ACYP2: variants seen among roughly 807,000 people sequenced by gnomAD.
ACYP2 encodes acylphosphatase 2, also known as acylphosphatase-2.
A neutral mutation model predicts 11.2 loss-of-function variants in ACYP2; 12 were observed. The ratio of observed to expected loss-of-function variants is 1.08; its 90% CI spans 0.69 to 1.74. The LOEUF is 1.74. Ranked by LOEUF, ACYP2 falls within the 40% of genes most tolerant of loss-of-function variation. The pLI is 0.00. For missense variants in ACYP2, 134 were observed against 101.9 expected (o/e 1.31, Z -1.35); for synonymous variants, 43 against 32.2 (o/e 1.33, Z -1.13).
At chr2:54,182,047 ATTTTTTTTTTTTTT>A (rs35145998) in intron 6 of ACYP2, among the ~76,000 whole-genome samples, 3 of 83,062 alleles carry the variant, frequency 3.6e-5, no homozygotes, top group South Asian at 5.4e-4. Context: ...ATAGAAGATA[ATTTTTTTTTTTTTT>A]TTTTTTTTTT....
At chr2:54,046,649 G>A (rs1259175115) in intron 2 of ACYP2, among the ~76,000 whole-genome samples, 1 of 152,190 alleles carries the variant, frequency 6.6e-6, no homozygotes, top group Non-Finnish European at 1.5e-5. Flanking sequence ...CACAATGGAG[G>A]AAAGTGATAT....
intron 6 of ACYP2, chr2:54,256,056 C>A: frequency 6.2e-7 from 1 of 1,614,178 alleles, no homozygotes; most frequent in Non-Finnish European, 8.5e-7. Flanking sequence ...TTACCTCTGT[C>A]GCCTTGCTCT....
chr2:54,000,332 G>C (rs1252829440), intron 2 of ACYP2, among the ~76,000 whole-genome samples: 1 of 152,186 alleles, frequency 6.6e-6, no homozygotes. Context: ...GCTGATGTCA[G>C]AGGTGTGAGG....
chr2:54,128,699 G>T (rs568277627), intron 4 of ACYP2, among the ~76,000 whole-genome samples: 2 of 152,084 alleles, frequency 1.3e-5, no homozygotes, highest in East Asian at 1.9e-4. Context: ...TCCGATGAAG[G>T]TTATTTTTTT....
At chr2:54,019,609 TTTATTATTA>T (rs141725920) in intron 2 of ACYP2, among the ~76,000 whole-genome samples, 2 of 148,546 alleles carry the variant, frequency 1.3e-5, no homozygotes, top group Non-Finnish European at 3.0e-5. Context: ...CCCCTGTGCT[TTTATTATTA>T]TTATTATTAT....
In ACYP2 at chr2:54,231,541, T is replaced by A. The variant is rs569230037; in HGVS notation, c.405-73147T>A. On this transcript the variant is annotated intron_variant, in intron 6 of 6. Coordinates refer to ENST00000607452, the MANE Select transcript of ACYP2 (RefSeq NM_001320586.2). ...GACCTGGTAAAAGCAGGCATCACCA[T>A]TTAAGGAGCAGAGACCTCTGCTAGG... Among the ~76,000 whole-genome samples the A allele has an allele frequency of 5.9e-5, 9 of 152,252 alleles. No individual in the cohort carries two copies. In the South Asian group the frequency reaches 1.9e-3, roughly 32 times the overall value.
intron 6 of ACYP2, among the ~76,000 whole-genome samples, chr2:54,293,145 T>G (rs1689382772): frequency 6.6e-6 from 1 of 151,648 alleles, no homozygotes; most frequent in Non-Finnish European, 1.5e-5. Context: ...GCACTGAGAG[T>G]TTAAGAAACT....
intron 6 of ACYP2, among the ~76,000 whole-genome samples, chr2:54,269,915 A>G (rs1688207571): frequency 6.6e-6 from 1 of 152,196 alleles, no homozygotes; most frequent in Non-Finnish European, 1.5e-5. Context: ...TAATGACTAT[A>G]TAACAGTCTG....
rs1168703943 is a variant in ACYP2, at chr2:54,004,404, CT to C, written c.62+30618del. ...GAGGTGTCTGTTCAGGTAGTTTAGC[CT>C]TTTTTTTTTTTTTTTTTTTTTTTGA... On this transcript the variant is annotated intron_variant, in intron 2 of 6. Coordinates refer to ENST00000607452, the MANE Select transcript of ACYP2 (RefSeq NM_001320586.2). Among the ~76,000 whole-genome samples the C allele has an allele frequency of 7.5e-3, 689 of 92,052 alleles. 2 individuals carry two copies. Among genetic ancestry groups the C allele is most frequent in the African/African-American group, 8.5e-3 (176 of 20,642 alleles). 60.4% of individuals were successfully genotyped at this position (92,052 alleles called of 152,430 possible). A position where few individuals can be genotyped will look rare whatever the true frequency, so the allele number is the denominator to read the frequency against.
At chr2:54,098,968 A>T (rs977552308) in intron 4 of ACYP2, among the ~76,000 whole-genome samples, 3 of 152,116 alleles carry the variant, frequency 2.0e-5, no homozygotes, top group African/African-American at 7.2e-5. Context: ...AGCTCAACAG[A>T]TCTTCCTGTC....
intron 2 of ACYP2, among the ~76,000 whole-genome samples, chr2:54,030,967 C>G (rs1040348709): frequency 6.6e-6 from 1 of 152,088 alleles, no homozygotes; most frequent in African/African-American, 2.4e-5. Flanking sequence ...ACAGTGACCA[C>G]AGCATACTCT....
intron 4 of ACYP2, among the ~76,000 whole-genome samples, chr2:54,067,341 G>C (rs951730999): frequency 1.3e-5 from 2 of 152,124 alleles, no homozygotes; most frequent in Admixed American, 6.6e-5. Context: ...ATTTACAGAA[G>C]AAGAAGGCGA....
At chr2:54,014,692 A>G (rs1430190645) in intron 2 of ACYP2, among the ~76,000 whole-genome samples, 1 of 152,100 alleles carries the variant, frequency 6.6e-6, no homozygotes, top group Non-Finnish European at 1.5e-5. Context: ...GTTCCTTGCA[A>G]ATAAATGAGC....
intron 6 of ACYP2, among the ~76,000 whole-genome samples, chr2:54,160,138 A>G (rs1321792726): frequency 1.3e-5 from 2 of 152,162 alleles, no homozygotes; most frequent in Non-Finnish European, 2.9e-5. Context: ...TATATAGGGG[A>G]CTGGAGGTCA....
chr2:54,158,184 C>T (rs972248815), intron 6 of ACYP2, among the ~76,000 whole-genome samples: 10 of 145,616 alleles, frequency 6.9e-5, no homozygotes, highest in African/African-American at 2.3e-4. Context: ...CACCACCACG[C>T]CCAGTTAACT....
At chr2:54,222,444 G>A (rs777210343) in intron 6 of ACYP2, among the ~76,000 whole-genome samples, 8 of 151,724 alleles carry the variant, frequency 5.3e-5, no homozygotes, top group African/African-American at 1.5e-4. Flanking sequence ...CAGCTACTCA[G>A]GAGGCTGAGG....
At chr2:54,250,891 T>A (rs1427016378) in intron 6 of ACYP2, among the ~76,000 whole-genome samples, 1 of 152,206 alleles carries the variant, frequency 6.6e-6, no homozygotes, top group Admixed American at 6.5e-5. Flanking sequence ...ATTGTTTTTA[T>A]CTCTTAATTA....
chr2:54,233,952 T>C (rs1188702740), intron 6 of ACYP2, among the ~76,000 whole-genome samples: 1 of 152,194 alleles, frequency 6.6e-6, no homozygotes, highest in African/African-American at 2.4e-5. Flanking sequence ...CTGAGGGTCC[T>C]GGGATTTAAC....
intron 6 of ACYP2, among the ~76,000 whole-genome samples, chr2:54,293,892 A>G (rs1689416744): frequency 6.6e-6 from 1 of 152,234 alleles, no homozygotes. Flanking sequence ...ATTTGTCCAC[A>G]TGTAACTGAA....
Sources: gnomAD v4.1 joint callset for allele counts (sites outside exome capture counted in the v4.1 genomes callset) on GRCh38, gnomAD v4.1.1 for gene constraint, MANE v1.5 for transcripts, NCBI Gene and HGNC (gene_info 2026-07-23, HGNC 2026-07-21) for gene names.